The following ABCB5 variants were observed in gnomAD, a reference collection of about 807,000 sequenced individuals.
ABCB5 encodes the protein ATP binding cassette subfamily B member 5.
In ABCB5, 155 loss-of-function variants were observed where a neutral mutation model predicts 144.2. The observed-to-expected ratio is 1.08, with a 90% CI of 0.94 to 1.23. ABCB5 has a LOEUF of 1.23. Among genes scored for constraint, ABCB5 ranks in the 50% most tolerant of loss-of-function variants. The pLI is 0.00. For synonymous variants in ABCB5, 610 were observed against 528.6 expected, an observed-to-expected ratio of 1.15 and a Z score of -2.11; for missense variants, 1,830 against 1,520.8, an observed-to-expected ratio of 1.20 and a Z score of -3.38.
Position 20,704,814 on chromosome 7 carries a change from A to T in ABCB5, c.2421+7A>T, listed in dbSNP as rs1375969858. On this transcript the variant is annotated splice_region_variant and intron_variant, in intron 20 of 27. Coordinates refer to ENST00000404938, the MANE Select transcript of ABCB5 (RefSeq NM_001163941.2). ...TATAGCACAAATTCAAGGAGTATGTATATTGTTTTTATTGTAAATGATGTA... is the reference window on the plus strand; with the variant it reads ...TATAGCACAAATTCAAGGAGTATGTTTATTGTTTTTATTGTAAATGATGTA... 3 of 1,605,552 alleles carry T rather than the reference A, an allele frequency of 1.9e-6. No individual in the cohort carries two copies. The highest frequency in any genetic ancestry group is 2.6e-6 in the Non-Finnish European group (3 of 1,173,026).
chr7:20,675,841 G>A (rs1785583951), intron 14 of ABCB5, among the ~76,000 whole-genome samples: 1 of 151,752 alleles, frequency 6.6e-6, no homozygotes, highest in Non-Finnish European at 1.5e-5. Context: ...TAAATAACCT[G>A]ATTTAAAAAT....
In ABCB5 at chr7:20,739,027, C is replaced by T. The variant is rs764723410; in HGVS notation, c.2912C>T (p.Thr971Met). Residue 971 changes from threonine to methionine, a missense_variant, in exon 24 of 28, where the codon ACG becomes ATG. Physicochemically the swap from Thr to Met is moderately conservative, Grantham distance 81. Transcript: ENST00000404938. ...TATGGAGCTATGGCCATCGGAGAAACGCTCGTTTTGGCTCCTGAATATTCC... is the reference window on the plus strand; with the variant it reads ...TATGGAGCTATGGCCATCGGAGAAATGCTCGTTTTGGCTCCTGAATATTCC... ...IAYGAMAIGE[T>M]LVLAPEYSKA... 1.7e-5 allele frequency: 28 copies of T among 1,611,438 alleles called. No individual in the cohort carries two copies. The highest frequency in any genetic ancestry group is 1.9e-5 in the Non-Finnish European group (22 of 1,178,972).
intron 1 of ABCB5, among the ~76,000 whole-genome samples, chr7:20,617,040 C>T (rs1783701255): frequency 6.6e-6 from 1 of 152,252 alleles, no homozygotes; most frequent in East Asian, 1.9e-4. Flanking sequence ...TATATAAATA[C>T]CACATTACTC....
chr7:20,690,313 C>G (rs372470878), intron 16 of ABCB5, among the ~76,000 whole-genome samples: 1 of 152,140 alleles, frequency 6.6e-6, no homozygotes, highest in Non-Finnish European at 1.5e-5. Flanking sequence ...ATTATTATAT[C>G]TTATGTTCTA....
rs755366450 is a variant in ABCB5, at chr7:20,711,612, C to A, written c.2421+6805C>A. ...GAGTAGCTGGGACTCTGGGCACATG[C>A]CACCATGTCCAGTTAATTGTTTGTA... On this transcript the variant is annotated intron_variant, in intron 20 of 27. Transcript: ENST00000404938. 2.4e-4 allele frequency among the ~76,000 whole-genome samples: 36 copies of A among 148,134 alleles called. 6 individuals carry two copies. Among genetic ancestry groups the A allele is most frequent in the Non-Finnish European group, 5.1e-4 (34 of 66,926 alleles).
intron 14 of ABCB5, among the ~76,000 whole-genome samples, chr7:20,663,938 A>C (rs1156683421): frequency 6.6e-6 from 1 of 151,288 alleles, no homozygotes; most frequent in Non-Finnish European, 1.5e-5. Flanking sequence ...CTGGTCTCGA[A>C]CTCCTGACCT....
chr7:20,628,910 T>G lies in ABCB5; in HGVS notation c.259+72T>G, dbSNP rs186566220. The G allele has an allele frequency of 1.9e-3, 2,830 of 1,500,124 alleles. 55 individuals carry two copies. Among genetic ancestry groups the G allele is most frequent in the South Asian group, 6.4e-4 (54 of 83,924 alleles). The allele number at this position is 1,500,124 out of a possible 1,614,324, so 92.9% of individuals were successfully genotyped here. On this transcript the variant is annotated intron_variant, in intron 4 of 27. Coordinates refer to ENST00000404938, the MANE Select transcript of ABCB5 (RefSeq NM_001163941.2). ...TGAATAAAGCAAACAAACGTTAAGC[T>G]AGCAAGGCAGATTATTGTATTGTAA...
chr7:20,650,817 T>C (rs935441524), intron 12 of ABCB5, among the ~76,000 whole-genome samples: 1 of 152,188 alleles, frequency 6.6e-6, no homozygotes, highest in Non-Finnish European at 1.5e-5. Flanking sequence ...GAGTGTTATG[T>C]GTATAAAAGA....
In ABCB5 at chr7:20,723,002, A is replaced by G. The variant is rs1284626398; in HGVS notation, c.2422-14A>G. On this transcript the variant is annotated splice_polypyrimidine_tract_variant and intron_variant, in intron 20 of 27. Coordinates refer to ENST00000404938, the MANE Select transcript of ABCB5 (RefSeq NM_001163941.2). ...TTAATTGAGTTTTTTCCCCCAAAAT[A>G]TGTCTGATTATAGGCAACAGGTTCC... 1 of 1,612,912 alleles carries G rather than the reference A, an allele frequency of 6.2e-7. No homozygotes were observed. Among genetic ancestry groups the G allele is most frequent in the Admixed American group, 1.7e-5 (1 of 59,996 alleles).
chr7:20,739,220 G>C (rs1034819784), intron 24 of ABCB5, 81 bp downstream of exon 24: 4 of 1,356,330 alleles, frequency 2.9e-6, no homozygotes, highest in Admixed American at 3.4e-5. Context: ...GGGAGGGAGA[G>C]AGGGGCAAGG....
At chr7:20,636,291 C>CT (rs1181385510) in intron 5 of ABCB5, among the ~76,000 whole-genome samples, 1 of 151,600 alleles carries the variant, frequency 6.6e-6, no homozygotes. Context: ...ACGAAGGATA[C>CT]TTTTTTTTAC....
chr7:20,702,300 C>T (rs530524278), intron 19 of ABCB5, among the ~76,000 whole-genome samples: 15 of 152,260 alleles, frequency 9.9e-5, no homozygotes, highest in East Asian at 9.6e-4. Flanking sequence ...CCATTTCCCT[C>T]TAAATTAGAT....
At chr7:20,626,662 G>T (rs1037484282) in intron 3 of ABCB5, 51 bp downstream of exon 3, 6 of 1,467,460 alleles carry the variant, frequency 4.1e-6, no homozygotes, top group Non-Finnish European at 4.7e-6. Context: ...TTAGAGACTT[G>T]TCAGTAGTGC....
intron 14 of ABCB5, among the ~76,000 whole-genome samples, chr7:20,664,224 A>G (rs902438012): frequency 6.6e-6 from 1 of 152,208 alleles, no homozygotes; most frequent in African/African-American, 2.4e-5. Context: ...AATTTTAAAA[A>G]CAAAACACAA....
chr7:20,646,501 C>T (rs1206996884), intron 9 of ABCB5, among the ~76,000 whole-genome samples: 1 of 152,146 alleles, frequency 6.6e-6, no homozygotes, highest in African/African-American at 2.4e-5. Context: ...TCTGCATTCA[C>T]CTTGCTAAAT....
chr7:20,710,367 C>CAAA lies in ABCB5; in HGVS notation c.2421+5572_2421+5574dup, dbSNP rs144865719. On this transcript the variant is annotated intron_variant, in intron 20 of 27. Coordinates refer to ENST00000404938, the MANE Select transcript of ABCB5 (RefSeq NM_001163941.2). ...GGGCAACAAGAGTGAAACTCCACCT[C>CAAA]AAAAAAAAAAAAAAGTGGGGGGGGG... 9.7e-4 allele frequency among the ~76,000 whole-genome samples: 34 copies of CAAA among 35,120 alleles called. 1 individual carries two copies. The highest frequency in any genetic ancestry group is 1.6e-3 in the Admixed American group (4 of 2,474). The allele number at this position is 35,120 out of a possible 152,430, so 23.0% of individuals were successfully genotyped here.
intron 14 of ABCB5, among the ~76,000 whole-genome samples, chr7:20,660,669 TGATCA>T (rs1182859699): frequency 1.3e-5 from 2 of 152,160 alleles, no homozygotes; most frequent in African/African-American, 4.8e-5. Context: ...GTCTCATTCC[TGATCA>T]GCTGTCTAAG....
intron 14 of ABCB5, among the ~76,000 whole-genome samples, chr7:20,662,594 G>C (rs886774378): frequency 2.6e-5 from 4 of 152,220 alleles, no homozygotes; most frequent in Middle Eastern, 3.2e-3. Context: ...GTTGGGAACA[G>C]AAAGGGAATT....
chr7:20,723,686 A>G (rs1374494866), intron 21 of ABCB5, among the ~76,000 whole-genome samples: 1 of 152,244 alleles, frequency 6.6e-6, no homozygotes, highest in Non-Finnish European at 1.5e-5. Flanking sequence ...TTACTGGGGA[A>G]GTTTTCAAAC....
Sources: gnomAD v4.1 joint callset for allele counts (sites outside exome capture counted in the v4.1 genomes callset) on GRCh38, gnomAD v4.1.1 for gene constraint, MANE v1.5 for transcripts, NCBI Gene and HGNC (gene_info 2026-07-23, HGNC 2026-07-21) for gene names.